Variants in COLEC10 observed in about 807,000 individuals in gnomAD.
COLEC10 encodes the protein collectin-10.
A neutral mutation model predicts 28.4 loss-of-function variants in COLEC10; 22 were observed. That is an observed-to-expected ratio of 0.78 (90% CI 0.55 to 1.11). The LOEUF is 1.11. Among genes scored for constraint, COLEC10 ranks in the 50% least tolerant of loss-of-function variants. The probability of loss-of-function intolerance (pLI) is 0.00; values close to 1 mark genes in which losing one functional copy is unlikely to be tolerated. For missense variants in COLEC10, 361 were observed against 344.1 expected, an observed-to-expected ratio of 1.05 and a Z score of -0.39; for synonymous variants, 125 against 116.1, an observed-to-expected ratio of 1.08 and a Z score of -0.49.
In COLEC10 at chr8:119,067,418, C is replaced by T. The variant is rs1814992823; in HGVS notation, c.137C>T (p.Pro46Leu). Reference protein sequence around the residue: ...AEVCATHTISPGPKGDDGEKG... With the variant: ...AEVCATHTISLGPKGDDGEKG... ...GTCTGTGCCACACACACAATTTCAC[C>T]AGGACCCAAAGGTGAGGAAAGAAAA... Residue 46 changes from proline to leucine, a missense_variant, in exon 1 of 6, where the codon CCA becomes CTA. Physicochemically the swap from Pro to Leu is moderately conservative, Grantham distance 98. Coordinates refer to ENST00000332843, the MANE Select transcript of COLEC10 (RefSeq NM_006438.5). 2 of 1,613,798 alleles carry T rather than the reference C, an allele frequency of 1.2e-6. No homozygotes were observed. The highest frequency in any genetic ancestry group is 1.7e-6 in the Non-Finnish European group (2 of 1,179,828).
intron 1 of COLEC10, among the ~76,000 whole-genome samples, chr8:119,002,177 A>G (rs1205951715): frequency 6.6e-6 from 1 of 152,160 alleles, no homozygotes; most frequent in African/African-American, 2.4e-5. Flanking sequence ...TAGTGTATAC[A>G]TTTGTATACT....
intron 2 of COLEC10, among the ~76,000 whole-genome samples, chr8:119,028,159 T>C (rs1221140747): frequency 1.3e-5 from 2 of 152,184 alleles, no homozygotes; most frequent in Admixed American, 6.5e-5. Context: ...CCTTGTCTTA[T>C]ACATCTTTGT....
At chr8:119,069,162 T>A (rs893541184) in intron 1 of COLEC10, among the ~76,000 whole-genome samples, 2 of 151,978 alleles carry the variant, frequency 1.3e-5, no homozygotes, top group African/African-American at 4.8e-5. Flanking sequence ...CGGCACCAAT[T>A]TATGCTTTTT....
At chr8:119,065,873 AAG>A (rs1814945746), upstream of COLEC10, among the ~76,000 whole-genome samples, 3 of 151,930 alleles carry the variant, frequency 2.0e-5, no homozygotes, top group African/African-American at 4.8e-5. Context: ...AAAAAGAAAA[AAG>A]AAAAGAAAAA....
At chr8:119,094,715 G>A (rs569526928) in intron 3 of COLEC10, among the ~76,000 whole-genome samples, 1 of 152,126 alleles carries the variant, frequency 6.6e-6, no homozygotes, top group South Asian at 2.1e-4. Flanking sequence ...TGTCAAAGAG[G>A]AATGGCCCAG....
At chr8:118,954,092 A>G in the COLEC10 span, among the ~76,000 whole-genome samples, 1 of 152,238 alleles carries the variant, frequency 6.6e-6, no homozygotes, top group Non-Finnish European at 1.5e-5. Flanking sequence ...GGCAGGAACT[A>G]CTTATTTTTC....
chr8:119,065,630 A>G (rs73325473), upstream of COLEC10, among the ~76,000 whole-genome samples: 14,987 of 152,074 alleles, frequency 0.099, 1,037 homozygotes, highest in East Asian at 0.24. Context: ...GCCAAGGTGG[A>G]TGGATCATTT....
At chr8:119,067,560 G>T in intron 1 of COLEC10, 131 bp downstream of exon 1, 1 of 825,074 alleles carries the variant, frequency 1.2e-6, no homozygotes, top group Non-Finnish European at 1.8e-6. Flanking sequence ...CTTCTATTTT[G>T]GAAAATCAGG....
At chr8:119,093,883 C>T (rs1292450198) in intron 3 of COLEC10, among the ~76,000 whole-genome samples, 2 of 152,196 alleles carry the variant, frequency 1.3e-5, no homozygotes, top group Admixed American at 6.5e-5. Context: ...GTTAAGATTT[C>T]TCTCTCCTGC....
At chr8:118,953,668 G>C in the COLEC10 span, among the ~76,000 whole-genome samples, 1 of 152,130 alleles carries the variant, frequency 6.6e-6, no homozygotes, top group Non-Finnish European at 1.5e-5. Flanking sequence ...ATAAATGATG[G>C]TAATCACTAA....
intron 1 of COLEC10, among the ~76,000 whole-genome samples, chr8:119,085,897 C>T (rs1815471933): frequency 6.6e-6 from 1 of 152,100 alleles, no homozygotes; most frequent in Admixed American, 6.6e-5. Context: ...AGATTACAGG[C>T]GTCATCCACC....
At chr8:119,079,007 ACACACACAC>A (rs1815311554) in intron 1 of COLEC10, among the ~76,000 whole-genome samples, 4 of 20,982 alleles carry the variant, frequency 1.9e-4, no homozygotes, top group African/African-American at 1.6e-3. Context: ...ACACACACAC[ACACACACAC>A]ACACACACAC....
At chr8:118,974,521 T>A in the COLEC10 span, among the ~76,000 whole-genome samples, 1 of 152,088 alleles carries the variant, frequency 6.6e-6, no homozygotes. Flanking sequence ...TCAAGCAACT[T>A]TGTGTCCCTA....
the COLEC10 span, among the ~76,000 whole-genome samples, chr8:118,969,045 T>C: frequency 6.6e-6 from 1 of 152,020 alleles, no homozygotes; most frequent in African/African-American, 2.4e-5. Context: ...TTATCCTGAA[T>C]TATCTGGCAG....
chr8:119,103,793 T>TTAAAAGGTA lies in COLEC10; in HGVS notation c.347-6_349dup, dbSNP rs775713500. 1.9e-6 allele frequency: 3 copies of TTAAAAGGTA among 1,589,656 alleles called. No homozygotes were observed. Among genetic ancestry groups the TTAAAAGGTA allele is most frequent in the Non-Finnish European group, 2.6e-6 (3 of 1,158,534 alleles). On this transcript the variant is annotated splice_polypyrimidine_tract_variant and splice_region_variant and intron_variant, in intron 4 of 5. Transcript: ENST00000332843. Reference sequence around the variant, plus strand: ...AACATGAATTCACAGTTTTTGTCATTTAAAAGGTACTGTCTGTGATTGTGG... The same window carrying TTAAAAGGTA: ...AACATGAATTCACAGTTTTTGTCATTTAAAAGGTATAAAAGGTACTGTCTGTGATTGTGG...
At chr8:119,073,579 A>G (rs903857774) in intron 1 of COLEC10, among the ~76,000 whole-genome samples, 9 of 151,872 alleles carry the variant, frequency 5.9e-5, no homozygotes, top group South Asian at 4.2e-4. Context: ...TAACTTTTAT[A>G]TTTCAGTGTA....
chr8:119,060,093 G>A (rs143163101), intron 2 of COLEC10, among the ~76,000 whole-genome samples: 6 of 151,982 alleles, frequency 3.9e-5, no homozygotes, highest in African/African-American at 1.4e-4. Flanking sequence ...GTAATTTTTG[G>A]AACACCTGGG....
At chr8:118,960,760 C>G in the COLEC10 span, among the ~76,000 whole-genome samples, 2 of 134,840 alleles carry the variant, frequency 1.5e-5, no homozygotes, top group Non-Finnish European at 1.5e-5. Flanking sequence ...GCACTCTAGC[C>G]TGGGGGAACA....
intron 3 of COLEC10, among the ~76,000 whole-genome samples, chr8:119,095,293 A>G (rs1007245360): frequency 1.3e-5 from 2 of 152,148 alleles, no homozygotes; most frequent in African/African-American, 4.8e-5. Context: ...CAAGAAATTA[A>G]AGAATATCTA....
Sources: gnomAD v4.1 joint callset for allele counts (sites outside exome capture counted in the v4.1 genomes callset) on GRCh38, gnomAD v4.1.1 for gene constraint, MANE v1.5 for transcripts, NCBI Gene and HGNC (gene_info 2026-07-23, HGNC 2026-07-21) for gene names.